PKNOX2: variants seen among roughly 807,000 people sequenced by gnomAD.
The protein encoded by PKNOX2 is PBX/knotted 1 homeobox 2.
PKNOX2 carries 14 observed loss-of-function variants against 53.1 expected under a neutral mutation model. That is an observed-to-expected ratio of 0.26 (90% CI 0.17 to 0.41). The LOEUF (loss-of-function observed/expected upper bound fraction) is 0.41. PKNOX2 is among the 10% of genes least tolerant of loss of function. PKNOX2 has a pLI of 1.00. For missense variants in PKNOX2, 496 were observed against 602.8 expected, an observed-to-expected ratio of 0.82 and a Z score of 1.85; for synonymous variants, 257 against 242.8, an observed-to-expected ratio of 1.06 and a Z score of -0.54.
At chr11:125,316,575 A>T (rs1054537814) in intron 2 of PKNOX2, among the ~76,000 whole-genome samples, 8 of 152,336 alleles carry the variant, frequency 5.3e-5, no homozygotes, top group African/African-American at 1.9e-4. Context: ...AGTCACATGA[A>T]TCTTTTGGTT....
Position 125,412,558 on chromosome 11 carries a change from A to G in PKNOX2, c.936+693A>G, listed in dbSNP as rs143174225. 4.7e-3 allele frequency among the ~76,000 whole-genome samples: 720 copies of G among 152,310 alleles called. 6 individuals carry two copies. Among genetic ancestry groups the G allele is most frequent in the African/African-American group, 0.015 (629 of 41,570 alleles). ...TTGGTGGAATGTCAGGAAAGACTTC[A>G]AAATTGCAATCTCCCAACACCACTT... On this transcript the variant is annotated intron_variant, in intron 10 of 12. Transcript: ENST00000298282.
intron 5 of PKNOX2, among the ~76,000 whole-genome samples, chr11:125,377,557 G>A (rs953773578): frequency 6.6e-6 from 1 of 152,150 alleles, no homozygotes; most frequent in Admixed American, 6.5e-5. Flanking sequence ...TGCTTTCCAC[G>A]GGCTGCTGAA....
intron 1 of PKNOX2, among the ~76,000 whole-genome samples, chr11:125,227,154 AC>A (rs1368063579): frequency 6.6e-6 from 1 of 151,966 alleles, no homozygotes; most frequent in African/African-American, 2.4e-5. Context: ...ATTTTTAAGC[AC>A]CCCTGATAGC....
At chr11:125,176,364 G>A (rs562284510) in intron 1 of PKNOX2, among the ~76,000 whole-genome samples, 39 of 152,340 alleles carry the variant, frequency 2.6e-4, no homozygotes, top group Admixed American at 2.0e-3. Flanking sequence ...CTGCGGAGGC[G>A]CTAGGGATAT....
intron 3 of PKNOX2, among the ~76,000 whole-genome samples, chr11:125,350,926 G>A (rs1951269883): frequency 6.6e-6 from 1 of 152,090 alleles, no homozygotes; most frequent in Admixed American, 6.5e-5. Flanking sequence ...GGAAGGAGGG[G>A]TATCCAAATG....
chr11:125,177,360 G>A (rs878872804), intron 1 of PKNOX2, among the ~76,000 whole-genome samples: 1 of 152,200 alleles, frequency 6.6e-6, no homozygotes. Context: ...ATAAATCCAC[G>A]ATTACACGGA....
At position 125,234,503 on chromosome 11, in the gene PKNOX2, T is replaced by C. The variant is rs180948954; in HGVS notation, c.-200-542T>C. Among the ~76,000 whole-genome samples, 142 of 152,330 alleles carry C rather than the reference T, an allele frequency of 9.3e-4. 1 individual carries two copies. The highest frequency in any genetic ancestry group is 7.5e-3 in the East Asian group (39 of 5,184). On this transcript the variant is annotated intron_variant, in intron 1 of 12. Transcript: ENST00000298282. ...TATGCACATTTTTCTTCCTGCCCAA[T>C]TGGACTCTTCGCCTTCACTTGCAAG...
At chr11:125,384,808 C>T (rs1428405532) in intron 5 of PKNOX2, among the ~76,000 whole-genome samples, 6 of 152,134 alleles carry the variant, frequency 3.9e-5, no homozygotes, top group Admixed American at 1.3e-4. Flanking sequence ...CTTCATTCAC[C>T]GAATATTTAT....
intron 2 of PKNOX2, among the ~76,000 whole-genome samples, chr11:125,252,355 G>A (rs986303350): frequency 2.0e-5 from 3 of 152,196 alleles, no homozygotes; most frequent in Admixed American, 1.3e-4. Flanking sequence ...TTTTAAGCAG[G>A]AGATTGATTT....
rs1449671759 is a variant in PKNOX2 at position 125,429,099 on chromosome 11, A to G, written c.1013+11A>G. ...GCAAGTAAACAACTGGTGAGTTTGC[A>G]TCACCTGCATGCAGGCTCCCAGATC... On this transcript the variant is annotated intron_variant, in intron 11 of 12. Transcript: ENST00000298282. The G allele has an allele frequency of 5.6e-6, 9 of 1,602,250 alleles. No homozygotes were observed. The highest frequency in any genetic ancestry group is 1.3e-5 in the African/African-American group (1 of 74,658).
chr11:125,379,980 G>T, intron 5 of PKNOX2, among the ~76,000 whole-genome samples: 1 of 151,348 alleles, frequency 6.6e-6, no homozygotes, highest in East Asian at 1.9e-4. Context: ...AGATGCTCCT[G>T]GGGAGAGGTG....
chr11:125,192,675 A>T (rs987052396), intron 1 of PKNOX2, among the ~76,000 whole-genome samples: 5 of 151,968 alleles, frequency 3.3e-5, no homozygotes, highest in African/African-American at 1.2e-4. Flanking sequence ...CCTGGAAGGG[A>T]GGTGTTTGCC....
intron 1 of PKNOX2, among the ~76,000 whole-genome samples, chr11:125,217,008 A>AAAACAC (rs1940592970): frequency 6.8e-6 from 1 of 147,120 alleles, no homozygotes; most frequent in African/African-American, 2.5e-5. Context: ...ATCCCCTCAA[A>AAAACAC]ACACACACAC....
chr11:125,175,251 A>AAGGAAGGAAG (rs1283725087), intron 1 of PKNOX2, among the ~76,000 whole-genome samples: 146 of 58,784 alleles, frequency 2.5e-3, no homozygotes, highest in Middle Eastern at 9.4e-3. Flanking sequence ...AAGGAAGGAA[A>AAGGAAGGAAG]GAAGGAAGGA....
intron 5 of PKNOX2, among the ~76,000 whole-genome samples, chr11:125,378,424 C>T (rs1952972572): frequency 6.6e-6 from 1 of 152,222 alleles, no homozygotes; most frequent in Non-Finnish European, 1.5e-5. Context: ...TCTGGATCAT[C>T]CATCCTTGGC....
In PKNOX2 at chr11:125,280,842, G is replaced by A. The variant is rs542298723; in HGVS notation, c.-130+45727G>A. ...CTGGTTGTCACGATGCCAGGGTGATGGACATCTGTGGCTGTGGTGTATAAG... is the reference window on the plus strand; with the variant it reads ...CTGGTTGTCACGATGCCAGGGTGATAGACATCTGTGGCTGTGGTGTATAAG... On this transcript the variant is annotated intron_variant, in intron 2 of 12. Transcript: ENST00000298282. Among the ~76,000 whole-genome samples the A allele has an allele frequency of 5.3e-5, 8 of 152,330 alleles. No individual in the cohort carries two copies. In the South Asian group the frequency reaches 1.7e-3, roughly 32 times the overall value.
At chr11:125,229,105 G>A (rs547791260) in intron 1 of PKNOX2, among the ~76,000 whole-genome samples, 33 of 152,266 alleles carry the variant, frequency 2.2e-4, no homozygotes, top group African/African-American at 7.7e-4. Flanking sequence ...ATGTGGGAGC[G>A]GTGTTGGCAT....
intron 1 of PKNOX2, among the ~76,000 whole-genome samples, chr11:125,173,505 C>T (rs1565461062): frequency 6.6e-6 from 1 of 152,206 alleles, no homozygotes; most frequent in African/African-American, 2.4e-5. Context: ...TAGTCCTCTC[C>T]CAAGATCTTT....
chr11:125,411,342 T>A (rs1015126338), intron 9 of PKNOX2: 3 of 353,112 alleles, frequency 8.5e-6, no homozygotes, highest in Non-Finnish European at 1.6e-5. Flanking sequence ...ACCACAGCGA[T>A]GGATAGGAAA....
Sources: gnomAD v4.1 joint callset for allele counts (sites outside exome capture counted in the v4.1 genomes callset) on GRCh38, gnomAD v4.1.1 for gene constraint, MANE v1.5 for transcripts, NCBI Gene and HGNC (gene_info 2026-07-23, HGNC 2026-07-21) for gene names.